The following LHX2 variants were observed in gnomAD, a reference collection of about 807,000 sequenced individuals.
The protein encoded by LHX2 is LIM homeobox 2, also known as LIM/homeobox protein Lhx2.
Under a neutral mutation model 33.0 loss-of-function variants are expected in LHX2, and 6 were observed. That is an observed-to-expected ratio of 0.18 (90% CI 0.10 to 0.36). The LOEUF is 0.36. Ranked by LOEUF, LHX2 falls within the 10% of genes least tolerant of loss-of-function variation. The pLI is 1.00. For missense variants in LHX2, 442 were observed against 586.2 expected (o/e 0.75, Z 2.54); for synonymous variants, 292 against 253.1 (o/e 1.15, Z -1.46).
chr9:124,013,987 C>A lies in LHX2; in HGVS notation c.147C>A (p.Arg49=). 1 of 1,613,182 alleles carries A rather than the reference C, an allele frequency of 6.2e-7. No homozygotes were observed. The highest frequency in any genetic ancestry group is 1.1e-5 in the South Asian group (1 of 91,064). The change falls in exon 2 of 5, where the codon CGC becomes CGA. Residue 49 remains arginine, a synonymous_variant. Transcript: ENST00000373615. ...ETTMPSISSD[R]AALCAGCGGK... Reference sequence around the variant, plus strand: ...CCATGCCGTCCATCAGCAGTGACCGCGCCGCGCTGTGCGCCGGCTGCGGGG... The same window carrying A: ...CCATGCCGTCCATCAGCAGTGACCGAGCCGCGCTGTGCGCCGGCTGCGGGG...
At chr9:124,013,663 G>A (rs116816407) in intron 1 of LHX2, among the ~76,000 whole-genome samples, 1,845 of 152,378 alleles carry the variant, frequency 0.012, 28 homozygotes, top group African/African-American at 0.042. Flanking sequence ...GAGCATTTTG[G>A]GGGAAAGGAC....
chr9:124,012,290 G>T lies in LHX2; in HGVS notation c.-59G>T, dbSNP rs1859104081. The T allele has an allele frequency of 7.0e-7, 1 of 1,438,454 alleles. No individual in the cohort carries two copies. The highest frequency in any genetic ancestry group is 9.1e-7 in the Non-Finnish European group (1 of 1,099,842). The allele number at this position is 1,438,454 out of a possible 1,614,324, so 89.1% of individuals were successfully genotyped here. On this transcript the variant is annotated 5_prime_UTR_variant, in exon 1 of 5. Transcript: ENST00000373615. The surrounding 1 kb of genome is among the most constrained non-coding windows in gnomAD (Gnocchi z 4.3). The stretch of plus-strand genomic sequence containing the variant: ...GCGCCAGGAGCGCCAGGCAGCTGAG[G>T]CGGGGGGCAAGCCCTCCCTCGGAGG...
rs113877994 is a variant in LHX2, at chr9:124,023,058, C to T, written c.933+1754C>T. Reference sequence around the variant, plus strand: ...GCAGGTCCCTCTCGTCTGTTTCCTTCGTTGTTTGCCTTCTTGGGGTTAGGT... The same window carrying T: ...GCAGGTCCCTCTCGTCTGTTTCCTTTGTTGTTTGCCTTCTTGGGGTTAGGT... On this transcript the variant is annotated intron_variant, in intron 4 of 4. Transcript: ENST00000373615. Among the ~76,000 whole-genome samples the T allele has an allele frequency of 3.7e-3, 564 of 152,340 alleles. 7 individuals carry two copies. Among genetic ancestry groups the T allele is most frequent in the African/African-American group, 0.012 (516 of 41,578 alleles).
chr9:124,022,847 C>T (rs888782518), intron 4 of LHX2, among the ~76,000 whole-genome samples: 5 of 152,126 alleles, frequency 3.3e-5, no homozygotes, highest in African/African-American at 1.2e-4. Context: ...GCGCTGCCCA[C>T]GGGGAGCGGG....
intron 4 of LHX2, among the ~76,000 whole-genome samples, chr9:124,031,334 T>A (rs1163161990): frequency 6.6e-6 from 1 of 152,226 alleles, no homozygotes; most frequent in African/African-American, 2.4e-5. Flanking sequence ...TATTGCCTGA[T>A]TCTCATGTGT....
chr9:124,013,692 G>A (rs948532827), intron 1 of LHX2, among the ~76,000 whole-genome samples: 1 of 152,292 alleles, frequency 6.6e-6, no homozygotes, highest in Non-Finnish European at 1.5e-5. Context: ...CTGGAAGGAA[G>A]AGAGGTAAGC....
Position 124,016,216 on chromosome 9 carries a change from G to C in LHX2, c.727+691G>C, listed in dbSNP as rs1859187791. On this transcript the variant is annotated intron_variant, in intron 3 of 4. Transcript: ENST00000373615. This position sits in a 1 kb window ranked among gnomAD's most constrained non-coding sequence, Gnocchi z 4.4. The stretch of plus-strand genomic sequence containing the variant: ...CGGGGACGAGACCGGAGCAGGCCTG[G>C]CCTCGCGCCGGGGTGGGGTGGGGTG... Among the ~76,000 whole-genome samples, 1 of 136,066 alleles carries C rather than the reference G, an allele frequency of 7.3e-6. No homozygotes were observed. The highest frequency in any genetic ancestry group is 1.6e-5 in the Non-Finnish European group (1 of 64,250). 89.3% of individuals were successfully genotyped at this position (136,066 alleles called of 152,430 possible).
chr9:124,015,039 G>A lies in LHX2; in HGVS notation c.324-83G>A. On this transcript the variant is annotated intron_variant, in intron 2 of 4. Coordinates refer to ENST00000373615, the MANE Select transcript of LHX2 (RefSeq NM_004789.4). The surrounding 1 kb of genome is among the most constrained non-coding windows in gnomAD (Gnocchi z 7.9). ...CGTCTTGAGGAGGGGATTGCCCCCC[G>A]CAGCAGCAGCGGCACCTGGAGGAGG... The A allele has an allele frequency of 6.6e-7, 1 of 1,519,266 alleles. No individual in the cohort carries two copies. Among genetic ancestry groups the A allele is most frequent in the South Asian group, 1.2e-5 (1 of 83,324 alleles). The allele number at this position is 1,519,266 out of a possible 1,614,324, so 94.1% of individuals were successfully genotyped here.
chr9:124,012,198 C>T lies in LHX2; in HGVS notation c.-151C>T. On this transcript the variant is annotated 5_prime_UTR_variant, in exon 1 of 5. Transcript: ENST00000373615. The surrounding 1 kb of genome is among the most constrained non-coding windows in gnomAD (Gnocchi z 4.3). Reference sequence around the variant, plus strand: ...CCCGCGAGCGCCCGGGGCCCGGAGCCCGGCCTGGGGGCTCAGCCGAGCTCG... The same window carrying T: ...CCCGCGAGCGCCCGGGGCCCGGAGCTCGGCCTGGGGGCTCAGCCGAGCTCG... 1.4e-6 allele frequency: 1 copy of T among 736,760 alleles called. No homozygotes were observed. The highest frequency in any genetic ancestry group is 1.8e-6 in the Non-Finnish European group (1 of 564,800). 45.6% of individuals were successfully genotyped at this position (736,760 alleles called of 1,614,324 possible).
intron 1 of LHX2, 57 bp from the exon 2 acceptor site, chr9:124,013,904 C>CGGG: frequency 1.3e-6 from 2 of 1,548,968 alleles, no homozygotes; most frequent in Non-Finnish European, 1.8e-6. Context: ...TTCCCGGCGG[C>CGGG]GGAGGGGCCG....
chr9:124,023,629 T>C lies in LHX2; in HGVS notation c.933+2325T>C, dbSNP rs536732290. On this transcript the variant is annotated intron_variant, in intron 4 of 4. Transcript: ENST00000373615. ...AAATGAAATGAAGAGTAAGTACCCA[T>C]AGTTGAATCAGAATTTCCAGTGAGG... Among the ~76,000 whole-genome samples the C allele has an allele frequency of 2.6e-5, 4 of 152,350 alleles. No individual in the cohort carries two copies. In the East Asian group the frequency reaches 5.8e-4, roughly 22 times the overall value.
At chr9:124,020,615 C>A (rs916385479) in intron 3 of LHX2, among the ~76,000 whole-genome samples, 1 of 152,168 alleles carries the variant, frequency 6.6e-6, no homozygotes, top group East Asian at 1.9e-4. Flanking sequence ...CCCTGTCCTG[C>A]TGTGTCCAAA....
rs1023877769 is a variant in LHX2 at position 124,016,402 on chromosome 9, G to A, written c.727+877G>A. 3.3e-5 allele frequency among the ~76,000 whole-genome samples: 5 copies of A among 152,338 alleles called. No homozygotes were observed. Among genetic ancestry groups the A allele is most frequent in the East Asian group, 1.9e-4 (1 of 5,180 alleles). ...TCAACATCTGCCCGAAGTCTGCAAG[G>A]CCCGGAAAGGTTTATGACTCTCCGG... On this transcript the variant is annotated intron_variant, in intron 3 of 4. Coordinates refer to ENST00000373615, the MANE Select transcript of LHX2 (RefSeq NM_004789.4). The surrounding 1 kb of genome is among the most constrained non-coding windows in gnomAD (Gnocchi z 4.4).
intron 1 of LHX2, among the ~76,000 whole-genome samples, chr9:124,013,098 G>T (rs1001381498): frequency 5.3e-5 from 8 of 152,224 alleles, no homozygotes; most frequent in Non-Finnish European, 1.0e-4. Context: ...GGCTCCGCGG[G>T]CCCAGCCCCA....
chr9:124,020,747 CA>C (rs1450028610), intron 3 of LHX2, among the ~76,000 whole-genome samples: 1 of 152,220 alleles, frequency 6.6e-6, no homozygotes, highest in Non-Finnish European at 1.5e-5. Flanking sequence ...AGCCCTTTAA[CA>C]CATCACCTGG....
In LHX2 at chr9:124,015,872, G is replaced by T. The variant is rs1859180942; in HGVS notation, c.727+347G>T. Among the ~76,000 whole-genome samples, 4 of 152,254 alleles carry T rather than the reference G, an allele frequency of 2.6e-5. No individual in the cohort carries two copies. Among genetic ancestry groups the T allele is most frequent in the Non-Finnish European group, 5.9e-5 (4 of 68,044 alleles). On this transcript the variant is annotated intron_variant, in intron 3 of 4. Transcript: ENST00000373615. This position sits in a 1 kb window ranked among gnomAD's most constrained non-coding sequence, Gnocchi z 7.9. ...GCGGCGCTGACGCCAAACAGGTTTT[G>T]GGTTGGCGCGGCTGAGGGCCGGGAA...
At chr9:124,024,989 T>C (rs1307308643) in intron 4 of LHX2, among the ~76,000 whole-genome samples, 1 of 152,130 alleles carries the variant, frequency 6.6e-6, no homozygotes, top group Non-Finnish European at 1.5e-5. Context: ...ACAGATGCCA[T>C]GTCTTGGTAG....
At chr9:124,028,319 G>A (rs1828658266) in intron 4 of LHX2, among the ~76,000 whole-genome samples, 1 of 152,176 alleles carries the variant, frequency 6.6e-6, no homozygotes, top group Non-Finnish European at 1.5e-5. Context: ...TGTTAGTTGT[G>A]TCCTGATGAT....
Position 124,014,415 on chromosome 9 carries a change from G to A in LHX2, c.323+252G>A, listed in dbSNP as rs1014493170. On this transcript the variant is annotated intron_variant, in intron 2 of 4. Transcript: ENST00000373615. This position sits in a 1 kb window ranked among gnomAD's most constrained non-coding sequence, Gnocchi z 4.8. ...AAAAGCAGAAGCTGCCCTCCTGCTC[G>A]GAGCTTAGACCACAAAAAAGCTTGA... Among the ~76,000 whole-genome samples the A allele has an allele frequency of 1.1e-4, 17 of 152,062 alleles. No homozygotes were observed. The highest frequency in any genetic ancestry group is 2.1e-4 in the South Asian group (1 of 4,828).
Sources: gnomAD v4.1 joint callset for allele counts (sites outside exome capture counted in the v4.1 genomes callset) on GRCh38, gnomAD v4.1.1 for gene constraint, Gnocchi (gnomAD v3.1) non-coding constraint, MANE v1.5 for transcripts, NCBI Gene and HGNC (gene_info 2026-07-23, HGNC 2026-07-21) for gene names.